The following MYLK4 variants were observed in gnomAD, a reference collection of about 807,000 sequenced individuals.
MYLK4 encodes caMLCK like.
MYLK4 carries 46 observed loss-of-function variants against 48.1 expected under a neutral mutation model. The observed-to-expected ratio is 0.96, with a 90% CI of 0.75 to 1.22. The LOEUF (loss-of-function observed/expected upper bound fraction) is 1.22. Ranked by LOEUF, MYLK4 falls within the 50% of genes most tolerant of loss-of-function variation. The pLI, the probability that MYLK4 is intolerant of heterozygous loss-of-function variation, is 0.00. For missense variants in MYLK4, 451 were observed against 486.1 expected (o/e 0.93, Z 0.68); for synonymous variants, 170 against 180.8 (o/e 0.94, Z 0.48).
chr6:2,719,711 A>T (rs906011651), intron 2 of MYLK4, among the ~76,000 whole-genome samples: 1 of 152,220 alleles, frequency 6.6e-6, no homozygotes, highest in Non-Finnish European at 1.5e-5. Context: ...AAAAGTATGA[A>T]ATTTATTTAA....
At chr6:2,696,021 G>A (rs1762047857) in intron 2 of MYLK4, among the ~76,000 whole-genome samples, 1 of 152,200 alleles carries the variant, frequency 6.6e-6, no homozygotes, top group Non-Finnish European at 1.5e-5. Flanking sequence ...ATGAACCTAA[G>A]GACCTCTTTC....
chr6:2,688,302 GC>G (rs1005070291), intron 4 of MYLK4, among the ~76,000 whole-genome samples: 104 of 151,926 alleles, frequency 6.8e-4, no homozygotes, highest in African/African-American at 2.5e-3. Context: ...CAAGTGATCT[GC>G]CCGCCTCAGT....
At chr6:2,707,754 A>G (rs1485395807) in intron 2 of MYLK4, among the ~76,000 whole-genome samples, 1 of 152,242 alleles carries the variant, frequency 6.6e-6, no homozygotes, top group Non-Finnish European at 1.5e-5. Context: ...AACGAACCAA[A>G]TAAGGATTAC....
chr6:2,770,330 C>T, the MYLK4 span: 1 of 1,614,144 alleles, frequency 6.2e-7, no homozygotes, highest in East Asian at 2.2e-5. Flanking sequence ...TCCCACTGAC[C>T]CTCTGAGCCA....
chr6:2,731,309 A>T lies in MYLK4; in HGVS notation c.159+17827T>A, dbSNP rs1226741294. On this transcript the variant is annotated intron_variant, in intron 2 of 12. Coordinates refer to ENST00000274643, the MANE Select transcript of MYLK4 (RefSeq NM_001012418.5). Reference sequence around the variant, plus strand: ...GAAATGGGAACTGACAAGAGGATGGAAACAGGCTGCACCTTGGTGTCTCGG... The same window carrying T: ...GAAATGGGAACTGACAAGAGGATGGTAACAGGCTGCACCTTGGTGTCTCGG... Among the ~76,000 whole-genome samples the T allele has an allele frequency of 2.6e-5, 4 of 152,188 alleles. No homozygotes were observed. In the East Asian group the frequency reaches 7.7e-4, roughly 29 times the overall value.
intron 2 of MYLK4, among the ~76,000 whole-genome samples, chr6:2,717,623 G>T (rs1762915279): frequency 6.6e-6 from 1 of 152,240 alleles, no homozygotes; most frequent in African/African-American, 2.4e-5. Flanking sequence ...TTGAGATAGT[G>T]CACTAAGACG....
At chr6:2,688,350 C>T (rs934764698) in intron 4 of MYLK4, among the ~76,000 whole-genome samples, 81 of 152,320 alleles carry the variant, frequency 5.3e-4, no homozygotes, top group African/African-American at 1.6e-3. Flanking sequence ...TGAGCCACCG[C>T]GCAAGGCCTT....
chr6:2,744,154 C>T (rs879678245), intron 2 of MYLK4: 62 of 396,460 alleles, frequency 1.6e-4, no homozygotes, highest in African/African-American at 7.6e-4. Flanking sequence ...TGGGTGTCAC[C>T]GAATTACAGA....
At chr6:2,765,080 A>G in the MYLK4 span, among the ~76,000 whole-genome samples, 10 of 151,798 alleles carry the variant, frequency 6.6e-5, no homozygotes, top group African/African-American at 2.4e-4. Context: ...AACCTCGCGC[A>G]GTCCGTGGCT....
At chr6:2,765,709 C>A in the MYLK4 span, 4 of 1,545,746 alleles carry the variant, frequency 2.6e-6, no homozygotes, top group Non-Finnish European at 1.7e-6. Context: ...TGATGCCCGC[C>A]GCGCACATCA....
At chr6:2,692,995 G>T in intron 2 of MYLK4, 136 bp from the exon 3 acceptor site, 1 of 761,686 alleles carries the variant, frequency 1.3e-6, no homozygotes, top group Non-Finnish European at 2.1e-6. Context: ...AGCATCACTG[G>T]CCTCTATCCA....
chr6:2,672,174 GA>G lies in MYLK4; in HGVS notation c.1120-827del, dbSNP rs1186670942. Among the ~76,000 whole-genome samples the G allele has an allele frequency of 6.6e-6, 1 of 152,198 alleles. No individual in the cohort carries two copies. Among genetic ancestry groups the G allele is most frequent in the African/African-American group, 2.4e-5 (1 of 41,456 alleles). On this transcript the variant is annotated intron_variant, in intron 11 of 12. Coordinates refer to ENST00000274643, the MANE Select transcript of MYLK4 (RefSeq NM_001012418.5). This position sits in a 1 kb window ranked among gnomAD's most constrained non-coding sequence, Gnocchi z 4.3. The stretch of plus-strand genomic sequence containing the variant: ...AGAGGCTTCTTAGCTCTGGGGGAAA[GA>G]AAACATGTCAAATTTGTGTCGTGTT...
intron 2 of MYLK4, among the ~76,000 whole-genome samples, chr6:2,721,967 C>T (rs943156275): frequency 6.6e-6 from 1 of 152,210 alleles, no homozygotes; most frequent in Admixed American, 6.5e-5. Context: ...CTCCATCATT[C>T]TCAGAAAACT....
chr6:2,748,898 A>G (rs1178921553), intron 2 of MYLK4, among the ~76,000 whole-genome samples: 1 of 152,190 alleles, frequency 6.6e-6, no homozygotes, highest in African/African-American at 2.4e-5. Context: ...TGGCTGTATA[A>G]CTCCTAAGCC....
In MYLK4 at chr6:2,665,022, A is replaced by C. The variant is rs1295118827; in HGVS notation, c.*2903T>G. The C allele has an allele frequency of 6.6e-6, 1 of 152,220 alleles. No homozygotes were observed. The highest frequency in any genetic ancestry group is 2.4e-5 in the African/African-American group (1 of 41,460). The allele number at this position is 152,220 out of a possible 1,614,324, so 9.4% of individuals were successfully genotyped here. A position where few individuals can be genotyped will look rare whatever the true frequency, so the allele number is the denominator to read the frequency against. ...AGTGGGAAGTGCTACATCGGTGCTT[A>C]ATTTCCTCCATTTGCTAAAGAAAGT... On this transcript the variant is annotated 3_prime_UTR_variant, in exon 13 of 13. Coordinates refer to ENST00000274643, the MANE Select transcript of MYLK4 (RefSeq NM_001012418.5).
intron 2 of MYLK4, among the ~76,000 whole-genome samples, chr6:2,748,037 T>C (rs765239858): frequency 1.4e-4 from 22 of 152,348 alleles, no homozygotes; most frequent in Middle Eastern, 6.8e-3. Flanking sequence ...AGACCTTTTA[T>C]ATACAATCTC....
chr6:2,674,879 AT>A (rs1761027723), intron 11 of MYLK4, among the ~76,000 whole-genome samples, 167 bp downstream of exon 11: 1 of 152,148 alleles, frequency 6.6e-6, no homozygotes, highest in Non-Finnish European at 1.5e-5. Flanking sequence ...CTCAAAAAAA[AT>A]TTTTTTTAAA....
At chr6:2,733,346 T>C (rs907177519) in intron 2 of MYLK4, among the ~76,000 whole-genome samples, 3 of 152,186 alleles carry the variant, frequency 2.0e-5, no homozygotes, top group South Asian at 4.1e-4. Context: ...TGGAAATACA[T>C]GTGTAAAAAC....
At chr6:2,769,951 G>A in the MYLK4 span, among the ~76,000 whole-genome samples, 1 of 152,164 alleles carries the variant, frequency 6.6e-6, no homozygotes. Flanking sequence ...AGCAAGAGTT[G>A]TACTCCCCCA....
Sources: allele counts gnomAD v4.1 joint callset (sites outside exome capture counted in the v4.1 genomes callset), GRCh38; gene constraint gnomAD v4.1.1; non-coding constraint Gnocchi (gnomAD v3.1); transcripts MANE v1.5; gene names NCBI Gene and HGNC (gene_info 2026-07-23, HGNC 2026-07-21).